Variants in TRAK2 observed in about 807,000 individuals in gnomAD.
TRAK2 encodes the protein trafficking kinesin-binding protein 2.
Under a neutral mutation model 104.6 loss-of-function variants are expected in TRAK2, and 81 were observed. The observed-to-expected ratio is 0.77, with a 90% CI of 0.65 to 0.93. The LOEUF (loss-of-function observed/expected upper bound fraction) is 0.93. Ranked by LOEUF, TRAK2 falls within the 40% of genes least tolerant of loss-of-function variation. TRAK2 has a pLI of 0.00. For synonymous variants in TRAK2, 406 were observed against 394.4 expected, an observed-to-expected ratio of 1.03 and a Z score of -0.35; for missense variants, 1,002 against 1,089.0, an observed-to-expected ratio of 0.92 and a Z score of 1.12.
intron 2 of TRAK2, among the ~76,000 whole-genome samples, chr2:201,415,944 CAGAG>C (rs549177822): frequency 1.3e-4 from 20 of 151,706 alleles, no homozygotes; most frequent in African/African-American, 4.8e-4. Context: ...ATCCTAAAAG[CAGAG>C]AGATAGGAAA....
At chr2:201,424,534 T>G (rs1437694206) in intron 1 of TRAK2, among the ~76,000 whole-genome samples, 1 of 152,040 alleles carries the variant, frequency 6.6e-6, no homozygotes, top group Non-Finnish European at 1.5e-5. Flanking sequence ...GGCTATCTAG[T>G]GCATGGTCAG....
At chr2:201,415,452 GC>G in intron 2 of TRAK2, among the ~76,000 whole-genome samples, 1 of 152,026 alleles carries the variant, frequency 6.6e-6, no homozygotes, top group African/African-American at 2.4e-5. Context: ...TTAATAAGCA[GC>G]AATTTTTTAT....
At chr2:201,385,475 C>G (rs1171555785) in intron 14 of TRAK2, among the ~76,000 whole-genome samples, 1 of 152,080 alleles carries the variant, frequency 6.6e-6, no homozygotes, top group African/African-American at 2.4e-5. Flanking sequence ...CACACCCAGC[C>G]TGACCAATGC....
chr2:201,425,725 T>TA (rs1553623673), intron 1 of TRAK2, among the ~76,000 whole-genome samples: 398 of 94,156 alleles, frequency 4.2e-3, no homozygotes, highest in African/African-American at 0.012. Context: ...TTTTTTTTTT[T>TA]AAATAATGTT....
chr2:201,445,530 G>A (rs1338770351), intron 1 of TRAK2, among the ~76,000 whole-genome samples: 5 of 152,236 alleles, frequency 3.3e-5, no homozygotes, highest in African/African-American at 1.2e-4. Context: ...AATATTTGAT[G>A]AGTGTTACAA....
chr2:201,389,234 C>G, intron 12 of TRAK2, 66 bp downstream of exon 12: 1 of 1,430,056 alleles, frequency 7.0e-7, no homozygotes, highest in South Asian at 1.1e-5. Flanking sequence ...CTGGAATGTG[C>G]GTATGTGAAT....
At chr2:201,444,155 C>G (rs1476846829) in intron 1 of TRAK2, among the ~76,000 whole-genome samples, 1 of 151,490 alleles carries the variant, frequency 6.6e-6, no homozygotes, top group Admixed American at 6.6e-5. Context: ...GAGCCGAGAT[C>G]GTACCACTGC....
intron 2 of TRAK2, chr2:201,419,431 A>C (rs981100131): frequency 6.5e-6 from 1 of 154,856 alleles, no homozygotes; most frequent in Non-Finnish European, 1.5e-5. Context: ...CAAGTGGATA[A>C]ATCTCAAAAA....
chr2:201,436,502 T>A (rs1386491272), intron 1 of TRAK2, among the ~76,000 whole-genome samples: 2 of 152,232 alleles, frequency 1.3e-5, no homozygotes, highest in Non-Finnish European at 2.9e-5. Flanking sequence ...TATTTCTGTA[T>A]AATCTGCTCT....
chr2:201,436,330 T>A (rs1342653237), intron 1 of TRAK2, among the ~76,000 whole-genome samples: 2 of 152,052 alleles, frequency 1.3e-5, no homozygotes, highest in East Asian at 3.9e-4. Flanking sequence ...AACAAATAAA[T>A]CCTTCCTGAA....
intron 1 of TRAK2, among the ~76,000 whole-genome samples, chr2:201,431,074 A>G (rs1300161385): frequency 6.6e-6 from 1 of 152,256 alleles, no homozygotes; most frequent in Non-Finnish European, 1.5e-5. Flanking sequence ...AGTAATCTTC[A>G]CATAGAAGGA....
Position 201,380,960 on chromosome 2 carries a change from T to C in TRAK2, c.2328A>G (p.Thr776=). 6.2e-7 allele frequency: 1 copy of C among 1,614,042 alleles called. No individual in the cohort carries two copies. Among genetic ancestry groups the C allele is most frequent in the Non-Finnish European group, 8.5e-7 (1 of 1,179,970 alleles). Residue 776 remains threonine (T), a synonymous_variant, in exon 16 of 16, where the codon ACA becomes ACG. Transcript: ENST00000332624. ...GTGAGTGAGATGGTGAATTTGGTGG[T>C]GTGGAAGGGATAGCCAGGGATTTAG... The part of the protein sequence containing the change: ...PLPKSLAIPS[T]PPNSPSHSPC...
chr2:201,389,756 T>A (rs1309231040), intron 11 of TRAK2, 45 bp downstream of exon 11: 1 of 1,513,974 alleles, frequency 6.6e-7, no homozygotes, highest in East Asian at 2.3e-5. Flanking sequence ...TCTTTTTAAT[T>A]TCTATTCCAA....
intron 12 of TRAK2, among the ~76,000 whole-genome samples, chr2:201,388,795 C>T (rs1951415692): frequency 1.3e-5 from 2 of 152,194 alleles, no homozygotes; most frequent in Admixed American, 6.5e-5. Flanking sequence ...CCAGGCAATG[C>T]AACTGAAACC....
chr2:201,398,023 G>A (rs1405809634), intron 6 of TRAK2, 122 bp downstream of exon 6: 13 of 919,098 alleles, frequency 1.4e-5, no homozygotes, highest in African/African-American at 1.2e-4. Context: ...CCTTGTCCAC[G>A]ACTCTCTAAT....
At chr2:201,413,967 C>T (rs116838884) in intron 2 of TRAK2, among the ~76,000 whole-genome samples, 130 of 152,308 alleles carry the variant, frequency 8.5e-4, no homozygotes, top group African/African-American at 3.1e-3. Flanking sequence ...TCTGACTCCT[C>T]TACTAATTGT....
intron 9 of TRAK2, 28 bp from the exon 10 acceptor site, chr2:201,393,074 ATTGCC>A (rs1559439920): frequency 6.3e-7 from 1 of 1,577,682 alleles, no homozygotes; most frequent in African/African-American, 1.4e-5. Flanking sequence ...AGTGTACTTT[ATTGCC>A]TTCCCAAAAC....
intron 2 of TRAK2, among the ~76,000 whole-genome samples, chr2:201,407,880 A>T (rs545218237): frequency 4.9e-4 from 75 of 152,262 alleles, no homozygotes; most frequent in South Asian, 1.7e-3. Flanking sequence ...ATAATTGAAT[A>T]TATTTATGGG....
intron 3 of TRAK2, 60 bp from the exon 4 acceptor site, chr2:201,401,154 T>C: frequency 8.6e-7 from 1 of 1,168,264 alleles, no homozygotes. Flanking sequence ...ATTTAAATAT[T>C]AATAAGAATT....
Sources: allele counts gnomAD v4.1 joint callset (sites outside exome capture counted in the v4.1 genomes callset), GRCh38; gene constraint gnomAD v4.1.1; transcripts MANE v1.5; gene names NCBI Gene and HGNC (gene_info 2026-07-23, HGNC 2026-07-21).